Variants in OPCML observed in about 807,000 individuals in gnomAD.
OPCML encodes opioid-binding protein/cell adhesion molecule.
OPCML carries 13 observed loss-of-function variants against 37.8 expected under a neutral mutation model. That is an observed-to-expected ratio of 0.34 (90% CI 0.22 to 0.55). The LOEUF (loss-of-function observed/expected upper bound fraction) is 0.55. OPCML is among the 20% of genes least tolerant of loss of function. The pLI is 0.91. For missense variants in OPCML, 341 were observed against 435.6 expected (o/e 0.78, Z 1.93); for synonymous variants, 176 against 168.8 (o/e 1.04, Z -0.33).
At position 133,379,238 on chromosome 11, in the gene OPCML, T is replaced by C. The variant is rs78574867; in HGVS notation, c.61+153026A>G. 8.2e-3 allele frequency among the ~76,000 whole-genome samples: 1,245 copies of C among 152,350 alleles called. 8 individuals carry two copies. Among genetic ancestry groups the C allele is most frequent in the Non-Finnish European group, 0.013 (898 of 68,028 alleles). ...TGTGCCTTCTAACTAGTCCACACAC[T>C]AATGATTTGTTCTAAAATGTCCTCA... On this transcript the variant is annotated intron_variant, in intron 1 of 7. Transcript: ENST00000524381.
chr11:133,443,195 C>T (rs1006091190), intron 1 of OPCML, among the ~76,000 whole-genome samples: 5 of 152,148 alleles, frequency 3.3e-5, no homozygotes, highest in Non-Finnish European at 4.4e-5. Context: ...GGGAAATAAA[C>T]GTGATCAACC....
At chr11:133,352,599 G>A (rs1015078252) in intron 1 of OPCML, among the ~76,000 whole-genome samples, 5 of 152,154 alleles carry the variant, frequency 3.3e-5, no homozygotes, top group African/African-American at 4.8e-5. Context: ...ATCTTTCTGA[G>A]GATAAGGACT....
chr11:133,027,319 C>T lies in OPCML; in HGVS notation c.62-84309G>A, dbSNP rs548984179. Among the ~76,000 whole-genome samples the T allele has an allele frequency of 2.6e-5, 4 of 152,282 alleles. No homozygotes were observed. In the East Asian group the frequency reaches 7.7e-4, roughly 29 times the overall value. On this transcript the variant is annotated intron_variant, in intron 1 of 7. Coordinates refer to ENST00000524381, the MANE Select transcript of OPCML (RefSeq NM_001012393.5). ...ACTATGAAATAATTTATGCTAAGTG[C>T]TAAGAAAGTGCTGAGCAAAATTTAG... is the stretch of plus-strand genomic sequence containing the variant.
chr11:132,887,632 T>C (rs997529470), intron 2 of OPCML, among the ~76,000 whole-genome samples: 4 of 151,950 alleles, frequency 2.6e-5, no homozygotes, highest in Admixed American at 6.6e-5. Context: ...AACAAGAAAA[T>C]AGGGGTACTA....
chr11:133,271,361 C>G (rs915592272), intron 1 of OPCML, among the ~76,000 whole-genome samples: 1 of 152,212 alleles, frequency 6.6e-6, no homozygotes, highest in Non-Finnish European at 1.5e-5. Context: ...TTCTCACCAG[C>G]TGGATCTTTG....
At chr11:132,878,218 C>G (rs1220062682) in intron 2 of OPCML, among the ~76,000 whole-genome samples, 2 of 151,932 alleles carry the variant, frequency 1.3e-5, no homozygotes, top group Non-Finnish European at 2.9e-5. Flanking sequence ...CGGTAGTTCT[C>G]TGATGATGGC....
At chr11:132,876,382 G>C (rs935612652) in intron 2 of OPCML, among the ~76,000 whole-genome samples, 8 of 152,120 alleles carry the variant, frequency 5.3e-5, no homozygotes, top group African/African-American at 1.9e-4. Flanking sequence ...ATCCAGTTCT[G>C]TCTCCTTAAC....
intron 1 of OPCML, chr11:133,419,346 T>C (rs566259722): frequency 2.9e-5 from 29 of 985,312 alleles, no homozygotes; most frequent in African/African-American, 3.5e-5. Context: ...AAGTCACTGA[T>C]AGTGATGTGC....
At chr11:132,430,275 C>T (rs539805819) in intron 7 of OPCML, among the ~76,000 whole-genome samples, 24 of 151,472 alleles carry the variant, frequency 1.6e-4, no homozygotes, top group African/African-American at 5.3e-4. Context: ...AGACATGGAA[C>T]GAGAAGATGG....
chr11:132,912,004 T>C (rs571278835), intron 2 of OPCML, among the ~76,000 whole-genome samples: 21 of 152,126 alleles, frequency 1.4e-4, no homozygotes, highest in African/African-American at 5.1e-4. Flanking sequence ...TCTTGAAAAT[T>C]TGGAACTAAT....
chr11:132,526,304 T>A lies in OPCML; in HGVS notation c.505+2757A>T, dbSNP rs181532906. ...TTTGATTTTACCAAATATATAAAAG[T>A]TAGACATAGTTTTGTATATAATATA... On this transcript the variant is annotated intron_variant, in intron 4 of 7. Transcript: ENST00000524381. Among the ~76,000 whole-genome samples the A allele has an allele frequency of 3.8e-3, 576 of 152,248 alleles. 3 individuals are homozygous for A. The highest frequency in any genetic ancestry group is 0.013 in the African/African-American group (557 of 41,570).
intron 2 of OPCML, among the ~76,000 whole-genome samples, chr11:132,835,920 GCTGT>G (rs1940976224): frequency 6.6e-6 from 1 of 152,084 alleles, no homozygotes; most frequent in Admixed American, 6.5e-5. Flanking sequence ...CTTTACATGT[GCTGT>G]CTACTTACAA....
intron 1 of OPCML, among the ~76,000 whole-genome samples, chr11:133,457,178 T>C (rs1946689600): frequency 6.6e-6 from 1 of 152,100 alleles, no homozygotes; most frequent in Non-Finnish European, 1.5e-5. Flanking sequence ...GCAAAAAAAC[T>C]TACAGGCCAG....
intron 2 of OPCML, among the ~76,000 whole-genome samples, chr11:132,678,336 A>G (rs1284626917): frequency 6.6e-6 from 1 of 152,244 alleles, no homozygotes; most frequent in Non-Finnish European, 1.5e-5. Context: ...ATAGGTTGAC[A>G]GTTTTGTACA....
chr11:132,909,745 G>A (rs1053758288), intron 2 of OPCML, among the ~76,000 whole-genome samples: 2 of 152,186 alleles, frequency 1.3e-5, no homozygotes, highest in Admixed American at 1.3e-4. Flanking sequence ...CAGCCAGTGG[G>A]CAGGGCAGCC....
intron 3 of OPCML, among the ~76,000 whole-genome samples, chr11:132,636,516 A>G (rs1940510469): frequency 6.6e-6 from 1 of 152,226 alleles, no homozygotes; most frequent in Admixed American, 6.5e-5. Context: ...ATTGCACCAC[A>G]GTGATCATAT....
intron 1 of OPCML, among the ~76,000 whole-genome samples, chr11:133,257,567 A>C (rs1348092321): frequency 6.6e-6 from 1 of 152,126 alleles, no homozygotes; most frequent in Non-Finnish European, 1.5e-5. Flanking sequence ...AAGTTCTTAC[A>C]CACTGAGCTA....
intron 1 of OPCML, among the ~76,000 whole-genome samples, chr11:133,125,128 C>T (rs1592024399): frequency 6.6e-6 from 1 of 152,226 alleles, no homozygotes; most frequent in African/African-American, 2.4e-5. Flanking sequence ...TAAGAAGCAA[C>T]GTCGGGAGGT....
chr11:133,325,028 A>G (rs1943415647), intron 1 of OPCML, among the ~76,000 whole-genome samples: 1 of 152,114 alleles, frequency 6.6e-6, no homozygotes, highest in Non-Finnish European at 1.5e-5. Context: ...ACCACGTTCT[A>G]TATTCTGGGT....
Sources: gnomAD v4.1 joint callset for allele counts (sites outside exome capture counted in the v4.1 genomes callset) on GRCh38, gnomAD v4.1.1 for gene constraint, MANE v1.5 for transcripts, NCBI Gene and HGNC (gene_info 2026-07-23, HGNC 2026-07-21) for gene names.